The following FAM200C variants were observed in gnomAD, a reference collection of about 807,000 sequenced individuals.
chr5:160,394,857 G>C, the FAM200C span: 14 of 1,613,250 alleles, frequency 8.7e-6, no homozygotes, highest in Non-Finnish European at 1.2e-5. Context: ...TTCATGGATA[G>C]CTGCAATGGT....
chr5:160,393,315 T>A, the FAM200C span: 1 of 185,300 alleles, frequency 5.4e-6, no homozygotes, highest in Non-Finnish European at 1.1e-5. Flanking sequence ...CATTAACCTC[T>A]CCATAACAAA....
chr5:160,399,008 C>T, the FAM200C span, among the ~76,000 whole-genome samples: 2 of 152,088 alleles, frequency 1.3e-5, no homozygotes, highest in East Asian at 1.9e-4. Flanking sequence ...ATGCACAAAG[C>T]GGGGTGGAGA....
the FAM200C span, chr5:160,395,072 G>T: frequency 1.5e-5 from 24 of 1,613,814 alleles, no homozygotes; most frequent in Non-Finnish European, 1.9e-5. Flanking sequence ...ATCTGATAAG[G>T]GTACCTGCTG....
the FAM200C span, chr5:160,394,891 G>C: frequency 8.7e-6 from 14 of 1,612,458 alleles, no homozygotes; most frequent in African/African-American, 1.6e-4. Context: ...ATTCTTCTAC[G>C]ATCTCTCTTT....
the FAM200C span, among the ~76,000 whole-genome samples, chr5:160,398,088 A>C: frequency 6.6e-6 from 1 of 152,310 alleles, no homozygotes; most frequent in South Asian, 2.1e-4. Context: ...CTAAAAATAC[A>C]AAAATTAGCT....
chr5:160,396,057 C>T, the FAM200C span, among the ~76,000 whole-genome samples: 1 of 152,286 alleles, frequency 6.6e-6, no homozygotes, highest in African/African-American at 2.4e-5. Flanking sequence ...GCATAGACCA[C>T]ATAGTGGCAA....
the FAM200C span, among the ~76,000 whole-genome samples, chr5:160,396,822 A>G: frequency 6.6e-6 from 1 of 152,128 alleles, no homozygotes; most frequent in Non-Finnish European, 1.5e-5. Flanking sequence ...AACGAATTTC[A>G]TGATGCTTTT....
chr5:160,398,986 A>T, the FAM200C span, among the ~76,000 whole-genome samples: 1 of 152,232 alleles, frequency 6.6e-6, no homozygotes, highest in Non-Finnish European at 1.5e-5. Context: ...GTACTTCAGC[A>T]CACTCACAAA....
chr5:160,394,416 T>C, the FAM200C span: 1 of 1,613,636 alleles, frequency 6.2e-7, no homozygotes. Flanking sequence ...ACTAAATTAC[T>C]GCTCTTGTGG....
chr5:160,399,550 G>A, the FAM200C span: 2 of 152,278 alleles, frequency 1.3e-5, no homozygotes, highest in African/African-American at 4.8e-5. Flanking sequence ...AGACGCTCCA[G>A]GGGCAAACGC....
chr5:160,397,683 GGTT>G, the FAM200C span, among the ~76,000 whole-genome samples: 1 of 152,200 alleles, frequency 6.6e-6, no homozygotes, highest in South Asian at 2.1e-4. Flanking sequence ...GCTGTTACAA[GGTT>G]GTTATGAGCC....
At chr5:160,393,770 T>C in the FAM200C span, 2 of 1,564,018 alleles carry the variant, frequency 1.3e-6, no homozygotes, top group Middle Eastern at 3.3e-4. Flanking sequence ...AGGAACTTTT[T>C]TTGAAATAGC....
At chr5:160,393,615 C>A in the FAM200C span, 1 of 939,958 alleles carries the variant, frequency 1.1e-6, no homozygotes, top group Non-Finnish European at 1.6e-6. Flanking sequence ...ACATAGAATT[C>A]AGTATATCAT....
chr5:160,394,700 G>A, the FAM200C span: 12 of 1,614,116 alleles, frequency 7.4e-6, no homozygotes, highest in Non-Finnish European at 9.3e-6. Context: ...TACGATATGA[G>A]GTATCTCTTT....
chr5:160,396,763 C>T, the FAM200C span, among the ~76,000 whole-genome samples: 14 of 151,018 alleles, frequency 9.3e-5, no homozygotes, highest in East Asian at 5.8e-4. Flanking sequence ...TTCTTGTTAC[C>T]GAGACTTCAG....
chr5:160,397,599 C>T, the FAM200C span: 1 of 152,210 alleles, frequency 6.6e-6, no homozygotes, highest in African/African-American at 2.4e-5. Flanking sequence ...AGAATATCCA[C>T]TTAAAGCATT....
At chr5:160,394,477 T>C in the FAM200C span, 1 of 1,614,052 alleles carries the variant, frequency 6.2e-7, no homozygotes, top group Non-Finnish European at 8.5e-7. Flanking sequence ...GAGTAAGTAT[T>C]TGGCCTCGGG....
At chr5:160,396,356 T>C in the FAM200C span, among the ~76,000 whole-genome samples, 391 of 152,336 alleles carry the variant, frequency 2.6e-3, no homozygotes, top group African/African-American at 9.0e-3. Flanking sequence ...TTAAGTCTGA[T>C]TAAGCCACCC....
At chr5:160,395,139 G>C in the FAM200C span, 22 of 1,613,936 alleles carry the variant, frequency 1.4e-5, 1 homozygote, top group Non-Finnish European at 1.7e-5. Flanking sequence ...AGTGCACAAG[G>C]TTTCACTAAC....
Sources: gnomAD v4.1 joint callset for allele counts (sites outside exome capture counted in the v4.1 genomes callset) on GRCh38, gnomAD v4.1.1 for gene constraint, MANE v1.5 for transcripts.